FANCA: variants seen among roughly 807,000 people sequenced by gnomAD.
FANCA encodes Fanconi anemia group A protein.
In FANCA, 236 loss-of-function variants were observed where a neutral mutation model predicts 194.3. The ratio of observed to expected loss-of-function variants is 1.21; its 90% CI spans 1.09 to 1.35. FANCA has a LOEUF of 1.35. Among genes scored for constraint, FANCA ranks in the 40% most tolerant of loss-of-function variants. The probability of loss-of-function intolerance (pLI) is 0.00; values close to 1 mark genes in which losing one functional copy is unlikely to be tolerated. For missense variants in FANCA, 2,628 were observed against 1,813.9 expected, an observed-to-expected ratio of 1.45 and a Z score of -8.15; for synonymous variants, 1,014 against 715.8, an observed-to-expected ratio of 1.42 and a Z score of -6.65.
intron 14 of FANCA, 106 bp downstream of exon 14, chr16:89,791,297 G>A: frequency 6.9e-7 from 1 of 1,458,564 alleles, no homozygotes; most frequent in South Asian, 1.2e-5. Context: ...CTGACAGCAA[G>A]GTTGCTCACT....
chr16:89,813,502 G>A (rs989129755), intron 3 of FANCA, among the ~76,000 whole-genome samples: 2 of 151,710 alleles, frequency 1.3e-5, no homozygotes, highest in African/African-American at 4.8e-5. Context: ...GAGGGGTCTC[G>A]GCTCAATGCA....
chr16:89,814,709 G>C (rs1456081011), intron 2 of FANCA, 96 bp from the exon 3 acceptor site: 3 of 829,138 alleles, frequency 3.6e-6, no homozygotes, highest in Non-Finnish European at 6.2e-6. Flanking sequence ...TTGGGAGGCC[G>C]AGATGGGCAG....
chr16:89,753,191 C>T (rs951298161), intron 30 of FANCA, among the ~76,000 whole-genome samples: 2 of 152,228 alleles, frequency 1.3e-5, no homozygotes, highest in Non-Finnish European at 2.9e-5. Flanking sequence ...AGGGACGGGC[C>T]CCCTGTCCAG....
At chr16:89,798,463 G>A (rs1410025713) in intron 10 of FANCA, 2 of 1,093,266 alleles carry the variant, frequency 1.8e-6, no homozygotes, top group Non-Finnish European at 2.2e-6. Flanking sequence ...GAAATGAGGA[G>A]CAAAATAAAG....
rs1310748700 is a variant in FANCA at position 89,738,725 on chromosome 16, G to C, written c.4261-17C>G. On this transcript the variant is annotated splice_polypyrimidine_tract_variant and intron_variant, in intron 42 of 42. Coordinates refer to ENST00000389301, the MANE Select transcript of FANCA (RefSeq NM_000135.4). ...AGCCAGCAGCTGTGAGAGAGGAGCA[G>C]GTCCTCAGCCCATGCCGCCCACTAG... 6.2e-7 allele frequency: 1 copy of C among 1,613,598 alleles called. No homozygotes were observed. The highest frequency in any genetic ancestry group is 1.1e-5 in the South Asian group (1 of 91,056).
At chr16:89,784,481 C>G (rs372892268) in intron 15 of FANCA, among the ~76,000 whole-genome samples, 1 of 151,666 alleles carries the variant, frequency 6.6e-6, no homozygotes, top group South Asian at 2.1e-4. Flanking sequence ...GTACAACTCG[C>G]TCTTCCTGCG....
Position 89,738,531 on chromosome 16 carries a change from A to G in FANCA, c.*70T>C. On this transcript the variant is annotated 3_prime_UTR_variant, in exon 43 of 43. Transcript: ENST00000389301. ...TTGTAATCCACTTTTTAGTGCAACAAGAGCTCCATGTTATGCTTGTAATAA... is the reference window on the plus strand; with the variant it reads ...TTGTAATCCACTTTTTAGTGCAACAGGAGCTCCATGTTATGCTTGTAATAA... The G allele has an allele frequency of 6.2e-7, 1 of 1,603,672 alleles. No homozygotes were observed. The highest frequency in any genetic ancestry group is 8.5e-7 in the Non-Finnish European group (1 of 1,172,854).
At chr16:89,811,825 G>A (rs2040893440) in intron 3 of FANCA, among the ~76,000 whole-genome samples, 1 of 152,106 alleles carries the variant, frequency 6.6e-6, no homozygotes, top group Admixed American at 6.6e-5. Context: ...CCGCCTCTCA[G>A]GTTCAAGCGA....
At chr16:89,800,797 G>A (rs1035188380) in intron 8 of FANCA, among the ~76,000 whole-genome samples, 1 of 151,944 alleles carries the variant, frequency 6.6e-6, no homozygotes, top group Non-Finnish European at 1.5e-5. Flanking sequence ...TTCGGAAGTC[G>A]AGGTGGGTGG....
intron 30 of FANCA, among the ~76,000 whole-genome samples, chr16:89,756,129 A>G (rs535966009): frequency 3.9e-4 from 59 of 152,360 alleles, no homozygotes; most frequent in Middle Eastern, 3.4e-3. Context: ...TTACTGTCAT[A>G]TATGTGGCTC....
chr16:89,773,216 C>T, intron 22 of FANCA, 55 bp downstream of exon 22: 23 of 1,386,488 alleles, frequency 1.7e-5, no homozygotes, highest in Non-Finnish European at 2.3e-5. Context: ...AGCCACAGAG[C>T]TCCAACCACA....
At chr16:89,769,665 T>C in intron 26 of FANCA, 172 bp downstream of exon 26, 2 of 721,126 alleles carry the variant, frequency 2.8e-6, no homozygotes, top group Non-Finnish European at 4.8e-6. Context: ...AACGCACGCA[T>C]ATTATAAACA....
At chr16:89,739,587 G>T in intron 39 of FANCA, 34 bp from the exon 40 acceptor site, 2 of 1,547,766 alleles carry the variant, frequency 1.3e-6, no homozygotes, top group African/African-American at 1.4e-5. Flanking sequence ...GGCAACTCTG[G>T]ACATCTCTGC....
intron 18 of FANCA, 86 bp downstream of exon 18, chr16:89,779,783 G>C (rs1452040082): frequency 5.4e-6 from 6 of 1,119,686 alleles, no homozygotes; most frequent in African/African-American, 1.5e-5. Context: ...GCAGGCATCA[G>C]AGCAGAGTCT....
At position 89,742,771 on chromosome 16, in the gene FANCA, T is replaced by C. The variant is rs1479392992; in HGVS notation, c.3765+29A>G. On this transcript the variant is annotated intron_variant, in intron 37 of 42. Transcript: ENST00000389301. Reference sequence around the variant, plus strand: ...GATTGAAACCAAGCTTGCGAGAAAATAAATCAGTAAAAGAATTTCCTATCT... The same window carrying C: ...GATTGAAACCAAGCTTGCGAGAAAACAAATCAGTAAAAGAATTTCCTATCT... 3.2e-6 allele frequency: 5 copies of C among 1,568,480 alleles called. No individual in the cohort carries two copies. In the South Asian group the frequency reaches 4.4e-5, roughly 14 times the overall value.
chr16:89,811,866 G>A (rs2040895732), intron 3 of FANCA, among the ~76,000 whole-genome samples: 1 of 152,056 alleles, frequency 6.6e-6, no homozygotes, highest in South Asian at 2.1e-4. Flanking sequence ...AAGTAGCTGG[G>A]ATTACAGGCA....
At chr16:89,746,534 G>A in intron 35 of FANCA, 50 bp downstream of exon 35, 2 of 1,438,032 alleles carry the variant, frequency 1.4e-6, no homozygotes, top group South Asian at 2.3e-5. Flanking sequence ...CAGCTGTGGA[G>A]TCTCCCACTC....
At chr16:89,804,932 G>A (rs1403589140) in intron 7 of FANCA, among the ~76,000 whole-genome samples, 1 of 152,154 alleles carries the variant, frequency 6.6e-6, no homozygotes, top group African/African-American at 2.4e-5. Context: ...AGCTACTAAG[G>A]AGGTTGAGGC....
At chr16:89,797,299 C>A (rs1464867642) in intron 10 of FANCA, among the ~76,000 whole-genome samples, 1 of 152,106 alleles carries the variant, frequency 6.6e-6, no homozygotes, top group South Asian at 2.1e-4. Context: ...CCACTGCACT[C>A]CAGCCTGGGC....
Sources: allele counts gnomAD v4.1 joint callset (sites outside exome capture counted in the v4.1 genomes callset), GRCh38; gene constraint gnomAD v4.1.1; transcripts MANE v1.5; gene names NCBI Gene and HGNC (gene_info 2026-07-23, HGNC 2026-07-21).